HDX: variants seen among roughly 807,000 people sequenced by gnomAD.
HDX encodes highly divergent homeobox.
HDX carries 19 observed loss-of-function variants against 45.2 expected under a neutral mutation model. The observed-to-expected ratio is 0.42, with a 90% CI of 0.29 to 0.62. HDX has a LOEUF of 0.62. Ranked by LOEUF, HDX falls within the 20% of genes least tolerant of loss-of-function variation. The probability of loss-of-function intolerance (pLI) is 0.20; values close to 1 mark genes in which losing one functional copy is unlikely to be tolerated. For synonymous variants in HDX, 188 were observed against 172.8 expected (o/e 1.09, Z -0.69); for missense variants, 532 against 493.9 (o/e 1.08, Z -0.73).
chrX:84,479,844 C>T (rs1345145787), intron 2 of HDX, among the ~76,000 whole-genome samples: 1 of 111,195 alleles, frequency 9.0e-6, no homozygotes, highest in Non-Finnish European at 1.9e-5. Context: ...ACTTACCCGC[C>T]ACTTCTTTGT....
In HDX at chrX:84,319,767, A is replaced by G. The variant is rs2036563734; in HGVS notation, c.*2122T>C. 1 of 111,444 alleles carries G rather than the reference A, an allele frequency of 9.0e-6. No individual in the cohort carries two copies. The highest frequency in any genetic ancestry group is 1.9e-5 in the Non-Finnish European group (1 of 52,612). The allele number at this position is 111,444 out of a possible 1,213,427, so 9.2% of individuals were successfully genotyped here. On this transcript the variant is annotated 3_prime_UTR_variant, in exon 11 of 11. Transcript: ENST00000373177. ...TTCTACTTAAATATGGTTTATTAAT[A>G]TCATAGAAGATGTTAAAAAGAAATA...
chrX:84,402,931 T>C (rs2038739343), intron 5 of HDX, among the ~76,000 whole-genome samples: 1 of 111,649 alleles, frequency 9.0e-6, no homozygotes, highest in East Asian at 2.8e-4. Context: ...ATTTTCATAC[T>C]AAGAACACTA....
chrX:84,354,930 C>CATATATATAT (rs72331919), intron 6 of HDX, among the ~76,000 whole-genome samples: 9 of 74,830 alleles, frequency 1.2e-4, no homozygotes, highest in Non-Finnish European at 1.7e-4. Context: ...CACACACACA[C>CATATATATAT]ATATATATAT....
intron 4 of HDX, among the ~76,000 whole-genome samples, chrX:84,468,059 T>A (rs2040385486): frequency 9.0e-6 from 1 of 111,229 alleles, no homozygotes; most frequent in African/African-American, 3.3e-5. Flanking sequence ...ACTTGCCTGG[T>A]TATGTACCAG....
At chrX:84,440,032 G>A (rs2039727635) in intron 5 of HDX, 1 of 111,300 alleles carries the variant, frequency 9.0e-6, no homozygotes, top group Non-Finnish European at 1.9e-5. Flanking sequence ...ATTCTTTGAG[G>A]AAGCACAATT....
At chrX:84,393,724 A>G (rs181007076) in intron 5 of HDX, among the ~76,000 whole-genome samples, 6 of 108,681 alleles carry the variant, frequency 5.5e-5, no homozygotes, top group African/African-American at 1.0e-4. Flanking sequence ...CAGGTTTTCC[A>G]TTTTTTTCTA....
chrX:84,432,761 A>T (rs1349132933), intron 5 of HDX, among the ~76,000 whole-genome samples: 1 of 111,281 alleles, frequency 9.0e-6, no homozygotes, highest in Non-Finnish European at 1.9e-5. Flanking sequence ...GAACCATATC[A>T]TCTGCAAACA....
rs111653361 is a variant in HDX, at chrX:84,480,178, C to A, written c.1-4781G>T. ...TGTTCATTGCTAGTTTATTAACATA[C>A]AATTGATCTTGGTACATTGAAGTTG... On this transcript the variant is annotated intron_variant, in intron 2 of 10. Coordinates refer to ENST00000373177, the MANE Select transcript of HDX (RefSeq NM_001177479.2). Among the ~76,000 whole-genome samples, 666 of 111,498 alleles carry A rather than the reference C, an allele frequency of 6.0e-3. 7 individuals are homozygous for A. Among genetic ancestry groups the A allele is most frequent in the African/African-American group, 0.02 (622 of 30,675 alleles).
intron 5 of HDX, among the ~76,000 whole-genome samples, chrX:84,398,557 C>A (rs1019988338): frequency 2.8e-4 from 31 of 111,919 alleles, no homozygotes; most frequent in African/African-American, 1.0e-3. Context: ...CAGGAGCACC[C>A]AGATTCACAA....
intron 5 of HDX, among the ~76,000 whole-genome samples, chrX:84,401,232 A>G (rs186471554): frequency 9.8e-5 from 11 of 112,296 alleles, no homozygotes; most frequent in Admixed American, 3.8e-4. Context: ...GAGTTTCTGC[A>G]CAGCAAAATA....
At chrX:84,379,142 T>C (rs2038126332) in intron 5 of HDX, among the ~76,000 whole-genome samples, 1 of 109,932 alleles carries the variant, frequency 9.1e-6, no homozygotes, top group Non-Finnish European at 1.9e-5. Context: ...ATACATATGA[T>C]CAAATTTGAT....
At chrX:84,340,808 C>T (rs992929048) in intron 7 of HDX, among the ~76,000 whole-genome samples, 6 of 110,784 alleles carry the variant, frequency 5.4e-5, no homozygotes, top group Admixed American at 9.6e-5. Context: ...GATAAGCCAC[C>T]GATAAAAAAT....
At chrX:84,397,112 A>G (rs1013387317) in intron 5 of HDX, among the ~76,000 whole-genome samples, 3 of 112,010 alleles carry the variant, frequency 2.7e-5, no homozygotes, top group Admixed American at 9.4e-5. Flanking sequence ...CATCTTCAAC[A>G]TGCAGCAACT....
chrX:84,459,225 G>A (rs2040182070), intron 4 of HDX, among the ~76,000 whole-genome samples: 1 of 111,123 alleles, frequency 9.0e-6, no homozygotes, highest in Non-Finnish European at 1.9e-5. Context: ...GGCGGATCAC[G>A]AGATCAGGAG....
At chrX:84,425,970 T>C (rs1456806476) in intron 5 of HDX, among the ~76,000 whole-genome samples, 1 of 108,988 alleles carries the variant, frequency 9.2e-6, no homozygotes, top group Non-Finnish European at 1.9e-5. Context: ...AGTATAATTA[T>C]ATTGTTTGTA....
At chrX:84,446,160 G>T (rs1398676342) in intron 4 of HDX, among the ~76,000 whole-genome samples, 2 of 111,143 alleles carry the variant, frequency 1.8e-5, no homozygotes, top group Non-Finnish European at 3.8e-5. Flanking sequence ...CTTATCCAAA[G>T]GCACTAAAGA....
Position 84,469,124 on chromosome X carries a change from G to C in HDX, c.599C>G (p.Ser200Cys). The change falls in exon 4 of 11, where the codon TCT (serine) becomes TGT (cysteine). Residue 200 changes from serine (S) to cysteine (C), a missense_variant. Ser to Cys is a moderately radical substitution (Grantham distance 112). This residue lies in a region of HDX where 376 missense variants were observed against 343.7 expected (regional missense o/e 1.09). Coordinates refer to ENST00000373177, the MANE Select transcript of HDX (RefSeq NM_001177479.2). ...FNHAKKNYGN[S>C]SVQASEMTVP... The stretch of plus-strand genomic sequence containing the variant: ...TGTCATTTCAGAAGCTTGTACTGAA[G>C]AGTTTCCATAGTTTTTCTTTGCGTG... The C allele has an allele frequency of 8.3e-7, 1 of 1,210,585 alleles. No individual in the cohort carries two copies. The highest frequency in any genetic ancestry group is 1.7e-5 in the African/African-American group (1 of 57,744).
At chrX:84,481,597 G>A (rs1461739871) in intron 2 of HDX, among the ~76,000 whole-genome samples, 1 of 110,904 alleles carries the variant, frequency 9.0e-6, no homozygotes, top group East Asian at 2.8e-4. Flanking sequence ...AACAAATTGG[G>A]GTCTGTTTTC....
At chrX:84,416,091 A>G (rs759798619) in intron 5 of HDX, among the ~76,000 whole-genome samples, 1 of 111,966 alleles carries the variant, frequency 8.9e-6, no homozygotes, top group Admixed American at 9.5e-5. Context: ...GTCTAGGCTC[A>G]GACAGGTTAT....
Sources: allele counts gnomAD v4.1 joint callset (sites outside exome capture counted in the v4.1 genomes callset), GRCh38; gene constraint gnomAD v4.1.1; regional missense constraint gnomAD v4.1.1; transcripts MANE v1.5; gene names NCBI Gene and HGNC (gene_info 2026-07-23, HGNC 2026-07-21).